The following NCKAP5 variants were observed in gnomAD, a reference collection of about 807,000 sequenced individuals.
The protein encoded by NCKAP5 is nck-associated protein 5.
NCKAP5 carries 92 observed loss-of-function variants against 167.0 expected under a neutral mutation model. The observed-to-expected ratio is 0.55, with a 90% CI of 0.47 to 0.66. The LOEUF (loss-of-function observed/expected upper bound fraction) is 0.66, where lower values mean the gene tolerates loss of function less well. Among genes scored for constraint, NCKAP5 ranks in the 30% least tolerant of loss-of-function variants. The pLI is 0.00. For missense variants in NCKAP5, 2,378 were observed against 2,315.0 expected, an observed-to-expected ratio of 1.03 and a Z score of -0.56; for synonymous variants, 891 against 877.4, an observed-to-expected ratio of 1.02 and a Z score of -0.27.
intron 8 of NCKAP5, among the ~76,000 whole-genome samples, chr2:132,940,566 G>A (rs1210091186): frequency 2.0e-5 from 3 of 152,120 alleles, no homozygotes; most frequent in African/African-American, 7.2e-5. Context: ...CTAGCAACAA[G>A]CTAAATGTTC....
intron 3 of NCKAP5, among the ~76,000 whole-genome samples, chr2:133,406,336 GA>G (rs142136953): frequency 0.026 from 4,013 of 152,280 alleles, 164 homozygotes; most frequent in African/African-American, 0.091. Flanking sequence ...ATAAATGTAA[GA>G]AAAGTTATGC....
intron 5 of NCKAP5, 121 bp from the exon 6 acceptor site, chr2:133,130,232 C>T: frequency 9.2e-7 from 1 of 1,084,870 alleles, no homozygotes; most frequent in Non-Finnish European, 1.3e-6. Context: ...TGAACAACCC[C>T]ACGAAGTAGG....
At chr2:133,368,683 T>C (rs529279854) in intron 3 of NCKAP5, among the ~76,000 whole-genome samples, 11 of 152,198 alleles carry the variant, frequency 7.2e-5, no homozygotes, top group Non-Finnish European at 1.6e-4. Context: ...GGCCCCTGCC[T>C]TCAAAGTGCT....
At chr2:133,125,197 C>T (rs1359984253) in intron 6 of NCKAP5, among the ~76,000 whole-genome samples, 1 of 151,690 alleles carries the variant, frequency 6.6e-6, no homozygotes, top group South Asian at 2.1e-4. Flanking sequence ...ACTTTATCAC[C>T]TAAGTGATCC....
intron 3 of NCKAP5, among the ~76,000 whole-genome samples, chr2:133,383,704 C>T (rs2150958176): frequency 6.6e-6 from 1 of 152,338 alleles, no homozygotes; most frequent in South Asian, 2.1e-4. Context: ...GTTCCTATTT[C>T]TCCACATCCT....
At chr2:133,470,029 T>A (rs1575013696) in intron 3 of NCKAP5, among the ~76,000 whole-genome samples, 1 of 152,188 alleles carries the variant, frequency 6.6e-6, no homozygotes, top group African/African-American at 2.4e-5. Flanking sequence ...TCATTCTCCA[T>A]CCAGCTTTGT....
In NCKAP5 at chr2:133,432,573, G is replaced by T. The variant is rs1384712712; in HGVS notation, c.69+84885C>A. ...CAAATACAAGCCTGTCAAGTAGCTT[G>T]TTTACAGCAAGTCTTTTAAATAATG... is the stretch of plus-strand genomic sequence containing the variant. On this transcript the variant is annotated intron_variant, in intron 3 of 19. Coordinates refer to ENST00000409261, the MANE Select transcript of NCKAP5 (RefSeq NM_207363.3). Among the ~76,000 whole-genome samples, 3 of 152,156 alleles carry T rather than the reference G, an allele frequency of 2.0e-5. No homozygotes were observed. In the East Asian group the frequency reaches 5.8e-4, roughly 29 times the overall value.
At position 133,539,337 on chromosome 2, in the gene NCKAP5, C is replaced by T. The variant is rs550727303; in HGVS notation, c.-62+19713G>A. ...AGCTTCCCAGAGGCATCCATAAATC[C>T]TCTAGGTGAGGAGAAGTGTGCACAG... On this transcript the variant is annotated intron_variant, in intron 2 of 19. Transcript: ENST00000409261. Among the ~76,000 whole-genome samples the T allele has an allele frequency of 6.6e-5, 10 of 152,118 alleles. No homozygotes were observed. In the East Asian group the frequency reaches 1.7e-3, roughly 27 times the overall value.
At chr2:133,281,590 T>C (rs146229187) in intron 4 of NCKAP5, among the ~76,000 whole-genome samples, 59 of 152,278 alleles carry the variant, frequency 3.9e-4, no homozygotes, top group African/African-American at 1.4e-3. Flanking sequence ...ACCTACGGAA[T>C]TGAAAAATGT....
chr2:133,572,097 T>C (rs1243664725), upstream of NCKAP5, among the ~76,000 whole-genome samples: 1 of 152,204 alleles, frequency 6.6e-6, no homozygotes, highest in African/African-American at 2.4e-5. Context: ...CTAATTTGAA[T>C]GTGATTACAC....
chr2:133,345,106 C>T (rs549821617), intron 3 of NCKAP5, among the ~76,000 whole-genome samples: 1 of 152,134 alleles, frequency 6.6e-6, no homozygotes, highest in African/African-American at 2.4e-5. Context: ...GAATCATTGC[C>T]CCAAAATATC....
chr2:133,258,995 A>G, intron 4 of NCKAP5, among the ~76,000 whole-genome samples: 1 of 152,166 alleles, frequency 6.6e-6, no homozygotes, highest in East Asian at 1.9e-4. Context: ...GGTGAAGTTC[A>G]AATTCCTTAG....
intron 2 of NCKAP5, among the ~76,000 whole-genome samples, chr2:133,528,280 C>T (rs551354034): frequency 6.6e-6 from 1 of 151,894 alleles, no homozygotes; most frequent in South Asian, 2.1e-4. Flanking sequence ...TTAGAATTTC[C>T]ACCTAGTTTT....
At chr2:132,740,539 A>T (rs1679094542) in intron 16 of NCKAP5, among the ~76,000 whole-genome samples, 1 of 152,286 alleles carries the variant, frequency 6.6e-6, no homozygotes, top group African/African-American at 2.4e-5. Context: ...TTCTCCAAGT[A>T]GTAAAAAGTG....
intron 10 of NCKAP5, among the ~76,000 whole-genome samples, chr2:132,864,603 T>C (rs1690192863): frequency 6.6e-6 from 1 of 152,224 alleles, no homozygotes; most frequent in Admixed American, 6.5e-5. Flanking sequence ...GACTCACTGC[T>C]ATATAGTACC....
At chr2:132,920,391 C>G (rs894513830) in intron 8 of NCKAP5, among the ~76,000 whole-genome samples, 1 of 151,758 alleles carries the variant, frequency 6.6e-6, no homozygotes, top group Non-Finnish European at 1.5e-5. Flanking sequence ...ATTCTCCATC[C>G]TACACCATGT....
At chr2:133,021,536 A>G (rs924740529) in intron 6 of NCKAP5, among the ~76,000 whole-genome samples, 3 of 152,280 alleles carry the variant, frequency 2.0e-5, no homozygotes, top group African/African-American at 7.2e-5. Context: ...ATCTACTCAC[A>G]TATGTGTCAG....
At chr2:132,714,941 G>A (rs1689225973) in intron 19 of NCKAP5, 1 of 446,826 alleles carries the variant, frequency 2.2e-6, no homozygotes, top group Non-Finnish European at 4.5e-6. Context: ...TAGGTTCTTG[G>A]AGGTTCACAG....
At chr2:132,822,566 A>C (rs1216961906) in intron 11 of NCKAP5, among the ~76,000 whole-genome samples, 1 of 152,176 alleles carries the variant, frequency 6.6e-6, no homozygotes, top group African/African-American at 2.4e-5. Context: ...AGGCTTGGCC[A>C]GTAGGTCTGG....
Sources: gnomAD v4.1 joint callset for allele counts (sites outside exome capture counted in the v4.1 genomes callset) on GRCh38, gnomAD v4.1.1 for gene constraint, MANE v1.5 for transcripts, NCBI Gene and HGNC (gene_info 2026-07-23, HGNC 2026-07-21) for gene names.